The following AGAP1 variants were observed in gnomAD, a reference collection of about 807,000 sequenced individuals.
AGAP1 encodes ArfGAP with GTPase domain, ankyrin repeat and PH domain 1.
A neutral mutation model predicts 105.3 loss-of-function variants in AGAP1; 29 were observed. That is an observed-to-expected ratio of 0.28 (90% CI 0.21 to 0.38). The LOEUF (loss-of-function observed/expected upper bound fraction) is 0.38, where lower values mean the gene tolerates loss of function less well. Among genes scored for constraint, AGAP1 ranks in the 10% least tolerant of loss-of-function variants. The pLI, the probability that AGAP1 is intolerant of heterozygous loss-of-function variation, is 1.00. For missense variants in AGAP1, 998 were observed against 1,165.1 expected, an observed-to-expected ratio of 0.86 and a Z score of 2.09; for synonymous variants, 509 against 485.9, an observed-to-expected ratio of 1.05 and a Z score of -0.63.
At chr2:235,520,717 G>A (rs978102204) in intron 1 of AGAP1, among the ~76,000 whole-genome samples, 3 of 151,904 alleles carry the variant, frequency 2.0e-5, no homozygotes, top group Non-Finnish European at 4.4e-5. Context: ...AGTACCTTTC[G>A]GGTCATGTAG....
At chr2:236,077,444 G>A (rs912227164) in intron 16 of AGAP1, among the ~76,000 whole-genome samples, 23 of 151,226 alleles carry the variant, frequency 1.5e-4, no homozygotes, top group Admixed American at 7.3e-4. Flanking sequence ...TCAGCCTCCC[G>A]AGTAGCTGGG....
At position 236,061,427 on chromosome 2, in the gene AGAP1, T is replaced by C. The variant is rs2058191858; in HGVS notation, c.2114+12146T>C. On this transcript the variant is annotated intron_variant, in intron 16 of 17. Coordinates refer to ENST00000304032, the MANE Select transcript of AGAP1 (RefSeq NM_001037131.3). The surrounding 1 kb of genome is among the most constrained non-coding windows in gnomAD (Gnocchi z 4.1). ...GTGTTCACAGCAACATCATTCATAA[T>C]AGCCAAAAAGTGAAAGTAACCCAGG... Among the ~76,000 whole-genome samples the C allele has an allele frequency of 6.6e-6, 1 of 152,184 alleles. No individual in the cohort carries two copies. Among genetic ancestry groups the C allele is most frequent in the South Asian group, 2.1e-4 (1 of 4,826 alleles).
chr2:235,701,077 T>C lies in AGAP1; in HGVS notation c.164-8102T>C, dbSNP rs1185913010. Among the ~76,000 whole-genome samples, 1 of 137,180 alleles carries C rather than the reference T, an allele frequency of 7.3e-6. No individual in the cohort carries two copies. Among genetic ancestry groups the C allele is most frequent in the Non-Finnish European group, 1.5e-5 (1 of 66,918 alleles). 90.0% of individuals were successfully genotyped at this position (137,180 alleles called of 152,430 possible). A position where few individuals can be genotyped will look rare whatever the true frequency, so the allele number is the denominator to read the frequency against. ...TATTATATATGCTATAATATAGTTA[T>C]ATGTATATATTATATACTCTATAAT... On this transcript the variant is annotated intron_variant, in intron 1 of 17. Transcript: ENST00000304032. The surrounding 1 kb of genome is among the most constrained non-coding windows in gnomAD (Gnocchi z 4.1).
intron 13 of AGAP1, among the ~76,000 whole-genome samples, chr2:236,013,931 C>G (rs1038386748): frequency 6.6e-6 from 1 of 152,068 alleles, no homozygotes; most frequent in East Asian, 1.9e-4. Flanking sequence ...CCACAGATGT[C>G]AGCATTTCTG....
intron 13 of AGAP1, among the ~76,000 whole-genome samples, chr2:236,018,022 C>G (rs1326138094): frequency 1.3e-5 from 2 of 152,152 alleles, no homozygotes; most frequent in African/African-American, 4.8e-5. Context: ...AACGCACAGA[C>G]AAGATTAAAA....
chr2:235,643,203 C>T (rs1193130870), intron 1 of AGAP1, among the ~76,000 whole-genome samples: 1 of 151,750 alleles, frequency 6.6e-6, no homozygotes, highest in East Asian at 1.9e-4. Flanking sequence ...GAGGCCGAGG[C>T]GGGTGGATCA....
intron 12 of AGAP1, among the ~76,000 whole-genome samples, chr2:235,939,059 G>A (rs1256938264): frequency 6.6e-6 from 1 of 152,142 alleles, no homozygotes; most frequent in Non-Finnish European, 1.5e-5. Flanking sequence ...GGTGGTTATA[G>A]GACAAAATCT....
rs2054532971 is a variant in AGAP1 at position 235,969,169 on chromosome 2, T to G, written c.1645+546T>G. On this transcript the variant is annotated intron_variant, in intron 13 of 17. Transcript: ENST00000304032. ...TCCAGTTGTCACAGCTCATTGTGAG[T>G]CTCCTTTCACCTGAGTGCTTCCTTA... 2.0e-5 allele frequency among the ~76,000 whole-genome samples: 3 copies of G among 152,116 alleles called. No individual in the cohort carries two copies. In the South Asian group the frequency reaches 6.2e-4, roughly 32 times the overall value.
chr2:235,800,604 C>T (rs1957452901), intron 8 of AGAP1, among the ~76,000 whole-genome samples: 1 of 152,216 alleles, frequency 6.6e-6, no homozygotes. Context: ...GAGAAGAACG[C>T]TTTTCCTCCC....
At chr2:235,584,343 A>G (rs1325380579) in intron 1 of AGAP1, among the ~76,000 whole-genome samples, 1 of 151,354 alleles carries the variant, frequency 6.6e-6, no homozygotes, top group Non-Finnish European at 1.5e-5. Flanking sequence ...AGGTTAAGGG[A>G]CGACTGTGTT....
At chr2:235,966,699 G>C (rs2054416129) in intron 12 of AGAP1, among the ~76,000 whole-genome samples, 1 of 152,066 alleles carries the variant, frequency 6.6e-6, no homozygotes, top group Non-Finnish European at 1.5e-5. Flanking sequence ...GTGCTGCCTG[G>C]GCTGCCCTGC....
intron 1 of AGAP1, among the ~76,000 whole-genome samples, chr2:235,645,664 G>A (rs1467662656): frequency 1.3e-5 from 2 of 152,142 alleles, no homozygotes; most frequent in African/African-American, 4.8e-5. Flanking sequence ...GGGTCAGCAC[G>A]CAGTCAGATG....
At chr2:236,007,383 T>C (rs1433245774) in intron 13 of AGAP1, among the ~76,000 whole-genome samples, 1 of 152,214 alleles carries the variant, frequency 6.6e-6, no homozygotes, top group East Asian at 1.9e-4. Context: ...TCACCCGCTG[T>C]AGTTGTCAGA....
chr2:235,848,404 A>G (rs747443443), intron 9 of AGAP1, among the ~76,000 whole-genome samples: 6 of 152,260 alleles, frequency 3.9e-5, no homozygotes, highest in Non-Finnish European at 8.8e-5. Flanking sequence ...CTCAGAGGCA[A>G]ATCTCTTCTT....
chr2:235,979,585 G>A lies in AGAP1; in HGVS notation c.1645+10962G>A, dbSNP rs193204308. 2.9e-3 allele frequency among the ~76,000 whole-genome samples: 444 copies of A among 152,322 alleles called. 1 individual carries two copies. Among genetic ancestry groups the A allele is most frequent in the Non-Finnish European group, 4.9e-3 (330 of 68,026 alleles). On this transcript the variant is annotated intron_variant, in intron 13 of 17. Transcript: ENST00000304032. This position sits in a 1 kb window ranked among gnomAD's most constrained non-coding sequence, Gnocchi z 4.5. ...CCATAGGCACCAAGGTGTGGAGCCA[G>A]TGAAAGAACAGGCGCAGCGAACGTT...
intron 13 of AGAP1, among the ~76,000 whole-genome samples, chr2:236,025,093 T>C (rs1394553569): frequency 6.6e-6 from 1 of 152,218 alleles, no homozygotes; most frequent in African/African-American, 2.4e-5. Flanking sequence ...TTCAACATGC[T>C]TTTAATAGAT....
chr2:235,895,605 G>T (rs934933009), intron 10 of AGAP1, among the ~76,000 whole-genome samples: 12 of 152,108 alleles, frequency 7.9e-5, no homozygotes, highest in African/African-American at 2.2e-4. Context: ...ACTCTATTGG[G>T]CCATCTCTCT....
chr2:235,973,034 C>T lies in AGAP1; in HGVS notation c.1645+4411C>T, dbSNP rs1351979649. ...AGGTTCTCACTCTGGCCGTTTCTTA[C>T]CTCTGTGGCGCACTTATTCAGAAAG... On this transcript the variant is annotated intron_variant, in intron 13 of 17. Coordinates refer to ENST00000304032, the MANE Select transcript of AGAP1 (RefSeq NM_001037131.3). The surrounding 1 kb of genome is among the most constrained non-coding windows in gnomAD (Gnocchi z 4.7). 6.6e-6 allele frequency among the ~76,000 whole-genome samples: 1 copy of T among 152,206 alleles called. No individual in the cohort carries two copies. Among genetic ancestry groups the T allele is most frequent in the Non-Finnish European group, 1.5e-5 (1 of 68,040 alleles).
In AGAP1 at chr2:235,864,375, C is replaced by G. The variant is rs1400823929; in HGVS notation, c.1051-18970C>G. Among the ~76,000 whole-genome samples, 1 of 152,216 alleles carries G rather than the reference C, an allele frequency of 6.6e-6. No homozygotes were observed. The highest frequency in any genetic ancestry group is 1.9e-4 in the East Asian group (1 of 5,194). ...AGGCAGTTGGATTCTGTTTAATTTTCTTTAGCTATGGGAGAAATGGAGTCC... is the reference window on the plus strand; with the variant it reads ...AGGCAGTTGGATTCTGTTTAATTTTGTTTAGCTATGGGAGAAATGGAGTCC... On this transcript the variant is annotated intron_variant, in intron 9 of 17. Coordinates refer to ENST00000304032, the MANE Select transcript of AGAP1 (RefSeq NM_001037131.3). This position sits in a 1 kb window ranked among gnomAD's most constrained non-coding sequence, Gnocchi z 5.0.
Sources: allele counts gnomAD v4.1 joint callset (sites outside exome capture counted in the v4.1 genomes callset), GRCh38; gene constraint gnomAD v4.1.1; non-coding constraint Gnocchi (gnomAD v3.1); transcripts MANE v1.5; gene names NCBI Gene and HGNC (gene_info 2026-07-23, HGNC 2026-07-21).